Variants in CLCN5 observed in about 807,000 individuals in gnomAD.
CLCN5 encodes the protein H(+)/Cl(-) exchange transporter 5.
A neutral mutation model predicts 54.0 loss-of-function variants in CLCN5; 17 were observed. The ratio of observed to expected loss-of-function variants is 0.31; its 90% CI spans 0.22 to 0.47. CLCN5 has a LOEUF of 0.47. Ranked by LOEUF, CLCN5 falls within the 20% of genes least tolerant of loss-of-function variation. The pLI is 1.00. For synonymous variants in CLCN5, 222 were observed against 233.0 expected, an observed-to-expected ratio of 0.95 and a Z score of 0.43; for missense variants, 448 against 646.7, an observed-to-expected ratio of 0.69 and a Z score of 3.33.
At chrX:50,004,583 T>A (rs781891213) in intron 3 of CLCN5, among the ~76,000 whole-genome samples, 16 of 108,430 alleles carry the variant, frequency 1.5e-4, no homozygotes, top group South Asian at 4.0e-4. Flanking sequence ...AGGCCGCTTT[T>A]AAAAAAAAAA....
chrX:49,943,722 G>A (rs1230681667), intron 3 of CLCN5, among the ~76,000 whole-genome samples: 10 of 111,382 alleles, frequency 9.0e-5, no homozygotes, highest in Non-Finnish European at 1.3e-4. Flanking sequence ...TAGATATGTG[G>A]CATTATTTCT....
intron 3 of CLCN5, among the ~76,000 whole-genome samples, chrX:49,991,514 C>T (rs1044420342): frequency 8.9e-5 from 10 of 111,878 alleles, no homozygotes; most frequent in African/African-American, 2.9e-4. Context: ...GTTTACTCTG[C>T]TGATTATTTC....
intron 3 of CLCN5, among the ~76,000 whole-genome samples, chrX:49,951,608 G>T (rs782815882): frequency 8.9e-6 from 1 of 111,962 alleles, no homozygotes; most frequent in East Asian, 2.8e-4. Context: ...AGAAACAAAG[G>T]GCTTAGAATC....
intron 3 of CLCN5, among the ~76,000 whole-genome samples, chrX:50,009,270 T>G (rs1231664345): frequency 2.7e-5 from 3 of 112,036 alleles, no homozygotes; most frequent in Non-Finnish European, 5.6e-5. Context: ...GCTTACTATG[T>G]GTCAGATACT....
At chrX:50,075,319 A>G (rs1166497865) in intron 6 of CLCN5, among the ~76,000 whole-genome samples, 1 of 111,137 alleles carries the variant, frequency 9.0e-6, no homozygotes, top group Non-Finnish European at 1.9e-5. Flanking sequence ...AGCAATCTCA[A>G]ATAAACATCA....
At chrX:49,971,620 C>T (rs782071543) in intron 3 of CLCN5, among the ~76,000 whole-genome samples, 1 of 111,412 alleles carries the variant, frequency 9.0e-6, no homozygotes, top group Non-Finnish European at 1.9e-5. Context: ...TGAGGGTGAT[C>T]AGGACCCAGT....
chrX:49,930,546 T>C (rs1247898837), intron 3 of CLCN5, among the ~76,000 whole-genome samples: 1 of 111,422 alleles, frequency 9.0e-6, no homozygotes, highest in African/African-American at 3.3e-5. Flanking sequence ...CATAACATAA[T>C]GTTAAACCCA....
At chrX:49,947,927 T>C (rs2147284128) in intron 3 of CLCN5, among the ~76,000 whole-genome samples, 1 of 110,996 alleles carries the variant, frequency 9.0e-6, no homozygotes, top group East Asian at 2.8e-4. Flanking sequence ...TTTCTCTACC[T>C]TTTCCCGTTT....
chrX:49,930,368 A>T (rs1317114015), intron 3 of CLCN5, among the ~76,000 whole-genome samples: 2 of 112,201 alleles, frequency 1.8e-5, no homozygotes, highest in Admixed American at 1.9e-4. Context: ...ATCCTAAGGA[A>T]GTAATTAAGG....
intron 4 of CLCN5, among the ~76,000 whole-genome samples, chrX:50,051,078 T>C (rs1261413037): frequency 8.9e-6 from 1 of 112,189 alleles, no homozygotes; most frequent in African/African-American, 3.2e-5. Flanking sequence ...TTGTATTGTA[T>C]ATAAAAAGTC....
chrX:49,933,330 G>A (rs1487380322), intron 3 of CLCN5, among the ~76,000 whole-genome samples: 1 of 112,058 alleles, frequency 8.9e-6, no homozygotes, highest in Non-Finnish European at 1.9e-5. Context: ...GGGAGAAATT[G>A]GTGGGGAATG....
At chrX:50,019,440 C>T (rs1324942186) in intron 3 of CLCN5, among the ~76,000 whole-genome samples, 6 of 68,291 alleles carry the variant, frequency 8.8e-5, no homozygotes, top group Admixed American at 1.6e-4. Flanking sequence ...TTTGTGCCTT[C>T]TGTCTTTCAT....
chrX:50,057,717 A>G (rs1450672239), intron 4 of CLCN5, among the ~76,000 whole-genome samples: 1 of 104,929 alleles, frequency 9.5e-6, no homozygotes, highest in Non-Finnish European at 2.0e-5. Flanking sequence ...TGGGAGGGCT[A>G]CTCCAACTAC....
chrX:50,057,272 G>A (rs1178115349), intron 4 of CLCN5, among the ~76,000 whole-genome samples: 2 of 107,354 alleles, frequency 1.9e-5, no homozygotes, highest in African/African-American at 6.8e-5. Flanking sequence ...AAGTATTTCA[G>A]TATTTAGCAA....
intron 3 of CLCN5, 95 bp from the exon 4 acceptor site, chrX:50,042,221 G>T: frequency 2.6e-6 from 1 of 384,052 alleles, no homozygotes; most frequent in South Asian, 9.2e-5. Context: ...CAATGCTACT[G>T]AATTGTATAC....
At chrX:50,041,588 A>G (rs1421658321) in intron 3 of CLCN5, among the ~76,000 whole-genome samples, 1 of 110,570 alleles carries the variant, frequency 9.0e-6, no homozygotes, top group African/African-American at 3.3e-5. Flanking sequence ...TTTTTTCCCC[A>G]TTCTCAAATG....
At chrX:50,007,097 C>G (rs898411061) in intron 3 of CLCN5, among the ~76,000 whole-genome samples, 6 of 111,705 alleles carry the variant, frequency 5.4e-5, no homozygotes, top group Admixed American at 1.9e-4. Context: ...CTTTGCCCTC[C>G]CAGAAAGGGC....
intron 3 of CLCN5, among the ~76,000 whole-genome samples, chrX:50,030,721 A>C (rs1003218798): frequency 1.5e-4 from 17 of 112,323 alleles, no homozygotes; most frequent in Middle Eastern, 4.6e-3. Context: ...AATGACTGTA[A>C]ATTTAAAAAT....
chrX:50,018,208 T>C (rs992244357), intron 3 of CLCN5, among the ~76,000 whole-genome samples: 1 of 112,292 alleles, frequency 8.9e-6, no homozygotes, highest in African/African-American at 3.2e-5. Flanking sequence ...TTATACTTAA[T>C]TATTTGATTT....
Sources: allele counts gnomAD v4.1 joint callset (sites outside exome capture counted in the v4.1 genomes callset), GRCh38; gene constraint gnomAD v4.1.1; transcripts MANE v1.5; gene names NCBI Gene and HGNC (gene_info 2026-07-23, HGNC 2026-07-21).